The following NFATC4 variants were observed in gnomAD, a reference collection of about 807,000 sequenced individuals.
NFATC4 encodes nuclear factor of activated T cells 4, also known as nuclear factor of activated T-cells, cytoplasmic 4.
A neutral mutation model predicts 73.4 loss-of-function variants in NFATC4; 25 were observed. That is an observed-to-expected ratio of 0.34 (90% CI 0.25 to 0.48). The LOEUF is 0.48. Among genes scored for constraint, NFATC4 ranks in the 20% least tolerant of loss-of-function variants. The pLI is 0.99. For missense variants in NFATC4, 1,130 were observed against 1,203.7 expected, an observed-to-expected ratio of 0.94 and a Z score of 0.91; for synonymous variants, 523 against 510.3, an observed-to-expected ratio of 1.02 and a Z score of -0.34.
At chr14:24,370,616 A>G (rs1156852223) in intron 2 of NFATC4, 22 bp downstream of exon 2, 1 of 1,589,678 alleles carries the variant, frequency 6.3e-7, no homozygotes, top group Non-Finnish European at 8.6e-7. Context: ...GCCTGGCACT[A>G]CCGCTCTCTC....
At position 24,376,413 on chromosome 14, in the gene NFATC4, C is replaced by T. The variant is rs1301461157; in HGVS notation, c.2176C>T (p.Pro726Ser). 4 of 1,613,718 alleles carry T rather than the reference C, an allele frequency of 2.5e-6. No individual in the cohort carries two copies. In the Admixed American group the frequency reaches 5.0e-5, roughly 20 times the overall value. ...ACCCAGGCCCCCCTACCCCTCCTAT[C>T]CCCATGAAGACCCTGCTTGCGAAAC... ...SPPRPPYPSY[P>S]HEDPACETPY... The change falls in exon 9 of 10, where the codon CCC becomes TCC. Residue 726 changes from proline (P) to serine (S), a missense_variant. Physicochemically the swap from Pro to Ser is moderately conservative, Grantham distance 74. This residue lies in a region of NFATC4 where 390 missense variants were observed against 408.1 expected (regional missense o/e 0.96). Transcript: ENST00000250373. This position sits in a 1 kb window ranked among gnomAD's most constrained non-coding sequence, Gnocchi z 5.0.
In NFATC4 at chr14:24,377,479, C is replaced by T. The variant is rs935014479; in HGVS notation, c.2642-159C>T. ...ATTTGATTCGGAGCAGGTGTCAAGACGTGTTGGGGAAACTGAGGCCCAGTG... is the reference window on the plus strand; with the variant it reads ...ATTTGATTCGGAGCAGGTGTCAAGATGTGTTGGGGAAACTGAGGCCCAGTG... On this transcript the variant is annotated intron_variant, in intron 9 of 9. Transcript: ENST00000250373. The surrounding 1 kb of genome is among the most constrained non-coding windows in gnomAD (Gnocchi z 4.2). 3.5e-5 allele frequency: 51 copies of T among 1,450,192 alleles called. No homozygotes were observed. Among genetic ancestry groups the T allele is most frequent in the East Asian group, 1.0e-4 (4 of 40,192 alleles). The allele number at this position is 1,450,192 out of a possible 1,614,324, so 89.8% of individuals were successfully genotyped here.
intron 6 of NFATC4, 159 bp downstream of exon 6, chr14:24,374,625 C>G: frequency 1.5e-6 from 1 of 657,882 alleles, no homozygotes; most frequent in Non-Finnish European, 2.5e-6. Flanking sequence ...TGTCTGCTTT[C>G]CATGTGGGAT....
intron 2 of NFATC4, chr14:24,372,019 G>C (rs766005109): frequency 2.5e-5 from 4 of 161,260 alleles, no homozygotes; most frequent in Non-Finnish European, 5.4e-5. Context: ...TAAAACAAAG[G>C]GTTCATATCT....
intron 2 of NFATC4, 146 bp from the exon 3 acceptor site, chr14:24,372,295 T>C: frequency 3.5e-6 from 3 of 863,346 alleles, no homozygotes; most frequent in Non-Finnish European, 5.1e-6. Flanking sequence ...TTTTTTCCCT[T>C]CTTTTCACAA....
At position 24,376,228 on chromosome 14, in the gene NFATC4, A is replaced by G. The variant is rs2042610450; in HGVS notation, c.2057-66A>G. The G allele has an allele frequency of 3.2e-6, 5 of 1,567,580 alleles. No individual in the cohort carries two copies. In the East Asian group the frequency reaches 9.0e-5, roughly 28 times the overall value. Reference sequence around the variant, plus strand: ...GAACCTGGGAGGAGCAGGCAGCTGGAAGGTGTGCAGTGGGGAGACTACCAG... The same window carrying G: ...GAACCTGGGAGGAGCAGGCAGCTGGGAGGTGTGCAGTGGGGAGACTACCAG... On this transcript the variant is annotated intron_variant, in intron 8 of 9. Coordinates refer to ENST00000250373, the MANE Select transcript of NFATC4 (RefSeq NM_004554.5). The surrounding 1 kb of genome is among the most constrained non-coding windows in gnomAD (Gnocchi z 5.0).
intron 2 of NFATC4, among the ~76,000 whole-genome samples, chr14:24,370,811 G>T (rs1002925814): frequency 6.6e-6 from 1 of 152,184 alleles, no homozygotes; most frequent in Admixed American, 6.5e-5. Context: ...GTTCCCTGTG[G>T]GACAATTAGA....
chr14:24,368,555 G>A, intron 1 of NFATC4, 115 bp downstream of exon 1: 2 of 1,068,392 alleles, frequency 1.9e-6, no homozygotes, highest in Non-Finnish European at 2.3e-6. Flanking sequence ...GTCAGAGGTC[G>A]AAGGGAGTCG....
At chr14:24,367,962 A>G (rs1013695360), upstream of NFATC4, 5 of 1,177,680 alleles carry the variant, frequency 4.2e-6, no homozygotes, top group Non-Finnish European at 5.2e-6. Flanking sequence ...CAACATTAGT[A>G]TCACTCTTGA....
rs142749204 is a variant in NFATC4, at chr14:24,373,757, C to T, written c.1622C>T (p.Thr541Met). Residue 541 changes from threonine (T) to methionine (M), a missense_variant, in exon 5 of 10, where the codon ACG becomes ATG. Thr to Met is a moderately conservative substitution (Grantham distance 81, BLOSUM62 -1). Around this residue, in one of 3 missense-constraint regions of NFATC4, gnomAD observed 155 missense variants for 221.2 expected, o/e 0.70. Coordinates refer to ENST00000250373, the MANE Select transcript of NFATC4 (RefSeq NM_004554.5). This position sits in a 1 kb window ranked among gnomAD's most constrained non-coding sequence, Gnocchi z 4.7. The stretch of plus-strand genomic sequence containing the variant: ...GACATTGAGCTTCGGAAGGGTGAGA[C>T]GGACATCGGGCGCAAAAACACACGT... ...NSDIELRKGE[T>M]DIGRKNTRVR... 2.0e-4 allele frequency: 329 copies of T among 1,614,096 alleles called. No individual in the cohort carries two copies. The highest frequency in any genetic ancestry group is 2.6e-4 in the Non-Finnish European group (306 of 1,179,986).
Position 24,376,874 on chromosome 14 carries a change from G to A in NFATC4, c.2637G>A (p.Glu879=). ...DSVPIQGITL[E]EVSEIIGRDL... Reference sequence around the variant, plus strand: ...TCCCTATCCAGGGTATCACGCTGGAGGAAGGTGGGTGTGGGACTGGGGGCT... The same window carrying A: ...TCCCTATCCAGGGTATCACGCTGGAAGAAGGTGGGTGTGGGACTGGGGGCT... The change falls in exon 9 of 10, where the codon GAG becomes GAA. Residue 879 remains glutamate, a synonymous_variant. Coordinates refer to ENST00000250373, the MANE Select transcript of NFATC4 (RefSeq NM_004554.5). This position sits in a 1 kb window ranked among gnomAD's most constrained non-coding sequence, Gnocchi z 5.0. The A allele has an allele frequency of 6.4e-7, 1 of 1,560,298 alleles. No individual in the cohort carries two copies. The highest frequency in any genetic ancestry group is 8.7e-7 in the Non-Finnish European group (1 of 1,154,750).
chr14:24,372,715 A>C (rs899567883), intron 3 of NFATC4, 112 bp downstream of exon 3: 3 of 1,399,702 alleles, frequency 2.1e-6, no homozygotes, highest in African/African-American at 2.9e-5. Context: ...CTGACCCTGC[A>C]GGCAGCCTGG....
chr14:24,375,840 C>T, intron 7 of NFATC4, 125 bp downstream of exon 7: 1 of 1,528,618 alleles, frequency 6.5e-7, no homozygotes, highest in Non-Finnish European at 9.0e-7. Context: ...ATTCTGTAAG[C>T]AGGTGCATCT....
At position 24,377,323 on chromosome 14, in the gene NFATC4, C is replaced by T; in HGVS notation, c.2642-315C>T. Reference sequence around the variant, plus strand: ...GTGAGGAGGAGCTTTCCTGTTTTGCCTCTCCTTCTTCCCATTGGCTACACC... The same window carrying T: ...GTGAGGAGGAGCTTTCCTGTTTTGCTTCTCCTTCTTCCCATTGGCTACACC... On this transcript the variant is annotated intron_variant, in intron 9 of 9. Coordinates refer to ENST00000250373, the MANE Select transcript of NFATC4 (RefSeq NM_004554.5). The surrounding 1 kb of genome is among the most constrained non-coding windows in gnomAD (Gnocchi z 4.2). 1 of 1,271,254 alleles carries T rather than the reference C, an allele frequency of 7.9e-7. No individual in the cohort carries two copies. The allele number at this position is 1,271,254 out of a possible 1,614,324, so 78.7% of individuals were successfully genotyped here. A position where few individuals can be genotyped will look rare whatever the true frequency, so the allele number is the denominator to read the frequency against.
upstream of NFATC4, chr14:24,367,270 G>T: frequency 6.3e-7 from 1 of 1,594,550 alleles, no homozygotes; most frequent in Non-Finnish European, 8.5e-7. Flanking sequence ...GAAGAGGAGG[G>T]GAACCCACAG....
Position 24,373,154 on chromosome 14 carries a change from C to T in NFATC4, c.1360-17C>T. 6.2e-7 allele frequency: 1 copy of T among 1,612,350 alleles called. No homozygotes were observed. On this transcript the variant is annotated splice_polypyrimidine_tract_variant and intron_variant, in intron 3 of 9. Transcript: ENST00000250373. The surrounding 1 kb of genome is among the most constrained non-coding windows in gnomAD (Gnocchi z 4.7). ...GGTGGGGATTTCAATGAGGTGGCCG[C>T]TCTCTCCCTCTGCCAGCTCCTAGGC...
chr14:24,368,787 G>A (rs1385317265), intron 1 of NFATC4, among the ~76,000 whole-genome samples: 1 of 152,008 alleles, frequency 6.6e-6, no homozygotes, highest in Non-Finnish European at 1.5e-5. Context: ...GCCCCTGGCG[G>A]ACCGAGCTCT....
chr14:24,378,708 A>G lies in NFATC4; in HGVS notation c.*1003A>G, dbSNP rs2042695060. The G allele has an allele frequency of 6.6e-6, 1 of 152,244 alleles. No homozygotes were observed. Among genetic ancestry groups the G allele is most frequent in the South Asian group, 2.1e-4 (1 of 4,830 alleles). The allele number at this position is 152,244 out of a possible 1,614,324, so 9.4% of individuals were successfully genotyped here. A position where few individuals can be genotyped will look rare whatever the true frequency, so the allele number is the denominator to read the frequency against. On this transcript the variant is annotated 3_prime_UTR_variant, in exon 10 of 10. Coordinates refer to ENST00000250373, the MANE Select transcript of NFATC4 (RefSeq NM_004554.5). ...GTAGACTGCAGAAAGCAAACAGTCT[A>G]CCCAGCAGCTCTGAATGTCACCTGC...
At position 24,377,293 on chromosome 14, in the gene NFATC4, G is replaced by A. The variant is rs887137573; in HGVS notation, c.2642-345G>A. 7.9e-6 allele frequency: 10 copies of A among 1,269,128 alleles called. No individual in the cohort carries two copies. Among genetic ancestry groups the A allele is most frequent in the African/African-American group, 7.5e-5 (5 of 66,956 alleles). The allele number at this position is 1,269,128 out of a possible 1,614,324, so 78.6% of individuals were successfully genotyped here. On this transcript the variant is annotated intron_variant, in intron 9 of 9. Coordinates refer to ENST00000250373, the MANE Select transcript of NFATC4 (RefSeq NM_004554.5). The surrounding 1 kb of genome is among the most constrained non-coding windows in gnomAD (Gnocchi z 4.2). ...CCCTAAACACGGTGTCTGTGGTCAG[G>A]GTTGGTGAGGAGGAGCTTTCCTGTT...
Sources: allele counts gnomAD v4.1 joint callset (sites outside exome capture counted in the v4.1 genomes callset), GRCh38; gene constraint gnomAD v4.1.1; regional missense constraint gnomAD v4.1.1; non-coding constraint Gnocchi (gnomAD v3.1); transcripts MANE v1.5; gene names NCBI Gene and HGNC (gene_info 2026-07-23, HGNC 2026-07-21).